Variants in HIVEP3 observed in about 807,000 individuals in gnomAD.
HIVEP3 encodes HIVEP zinc finger 3.
HIVEP3 carries 49 observed loss-of-function variants against 152.8 expected under a neutral mutation model. The observed-to-expected ratio is 0.32, with a 90% confidence interval of 0.26 to 0.41. HIVEP3 has a LOEUF of 0.41. Among genes scored for constraint, HIVEP3 ranks in the 10% least tolerant of loss-of-function variants. The pLI, the probability that HIVEP3 is intolerant of heterozygous loss-of-function variation, is 1.00. For synonymous variants in HIVEP3, 1,269 were observed against 1,289.0 expected (o/e 0.98, Z 0.33); for missense variants, 2,790 against 3,103.3 (o/e 0.90, Z 2.40).
At chr1:41,771,665 T>G (rs1648379556) in intron 1 of HIVEP3, among the ~76,000 whole-genome samples, 1 of 152,024 alleles carries the variant, frequency 6.6e-6, no homozygotes, top group Non-Finnish European at 1.5e-5. Context: ...TTGGCAGGTT[T>G]TTTTGTTTTG....
chr1:41,554,886 G>A (rs757964117), intron 5 of HIVEP3, among the ~76,000 whole-genome samples: 8 of 152,212 alleles, frequency 5.3e-5, no homozygotes, highest in Admixed American at 1.3e-4. Flanking sequence ...AGGGACACCC[G>A]CCTGTATGAG....
At chr1:41,618,809 AT>A (rs1336781458) in intron 3 of HIVEP3, among the ~76,000 whole-genome samples, 1 of 152,156 alleles carries the variant, frequency 6.6e-6, no homozygotes, top group Non-Finnish European at 1.5e-5. Context: ...GACTGAACAG[AT>A]GTGTCAGCCT....
intron 1 of HIVEP3, among the ~76,000 whole-genome samples, chr1:41,765,259 C>T (rs1647938643): frequency 2.0e-5 from 3 of 152,212 alleles, no homozygotes; most frequent in Admixed American, 2.0e-4. Context: ...CTCATCTCCC[C>T]AGCTATTTAT....
chr1:41,657,275 C>T (rs1214188707), intron 2 of HIVEP3, among the ~76,000 whole-genome samples: 3 of 152,222 alleles, frequency 2.0e-5, no homozygotes, highest in African/African-American at 4.8e-5. Context: ...GAGCACAAGC[C>T]TAAACTCACA....
At chr1:41,794,772 C>T (rs2124303448) in intron 1 of HIVEP3, among the ~76,000 whole-genome samples, 1 of 152,032 alleles carries the variant, frequency 6.6e-6, no homozygotes, top group East Asian at 1.9e-4. Flanking sequence ...TTATTTTGTC[C>T]ATTGCTGGGG....
intron 1 of HIVEP3, among the ~76,000 whole-genome samples, chr1:41,726,185 A>G (rs1385457502): frequency 5.3e-5 from 8 of 152,188 alleles, no homozygotes; most frequent in Non-Finnish European, 7.3e-5. Context: ...AAGCATTTTC[A>G]TGAGCCCTCG....
intron 3 of HIVEP3, among the ~76,000 whole-genome samples, chr1:41,590,050 T>C (rs1270615226): frequency 6.6e-6 from 1 of 152,184 alleles, no homozygotes; most frequent in African/African-American, 2.4e-5. Flanking sequence ...CAACACTCTG[T>C]GTGTGTGCAT....
At chr1:41,678,132 G>A (rs1467115217) in intron 2 of HIVEP3, among the ~76,000 whole-genome samples, 1 of 152,154 alleles carries the variant, frequency 6.6e-6, no homozygotes, top group Non-Finnish European at 1.5e-5. Context: ...GATTTCCATC[G>A]AGTGTGGTTT....
intron 1 of HIVEP3, among the ~76,000 whole-genome samples, chr1:41,982,897 G>A (rs763587767): frequency 1.3e-5 from 2 of 152,214 alleles, no homozygotes; most frequent in Non-Finnish European, 2.9e-5. Flanking sequence ...AGTCTAGTGT[G>A]AGGGAGTCCC....
intron 1 of HIVEP3, among the ~76,000 whole-genome samples, chr1:41,935,066 A>G (rs1165931661): frequency 6.6e-6 from 1 of 152,172 alleles, no homozygotes; most frequent in Non-Finnish European, 1.5e-5. Context: ...GTTTCCCCAA[A>G]GGTAAGTCTT....
intron 1 of HIVEP3, among the ~76,000 whole-genome samples, chr1:41,788,311 T>C (rs758172276): frequency 5.3e-5 from 8 of 152,186 alleles, no homozygotes; most frequent in Non-Finnish European, 1.2e-4. Flanking sequence ...TTTGTGGGCA[T>C]CTGTAAGACC....
intron 3 of HIVEP3, among the ~76,000 whole-genome samples, chr1:41,605,970 A>AT (rs2149128505): frequency 6.6e-6 from 1 of 152,346 alleles, no homozygotes; most frequent in South Asian, 2.1e-4. Context: ...ATGTGTTAGG[A>AT]TGGCAGCAAG....
At chr1:41,957,740 G>A (rs1416991404) in intron 1 of HIVEP3, among the ~76,000 whole-genome samples, 2 of 152,154 alleles carry the variant, frequency 1.3e-5, no homozygotes, top group African/African-American at 4.8e-5. Context: ...AGGTTATAAT[G>A]CAATCCAAAA....
intron 1 of HIVEP3, among the ~76,000 whole-genome samples, chr1:41,871,443 T>C (rs1369585826): frequency 2.0e-5 from 3 of 151,970 alleles, no homozygotes; most frequent in African/African-American, 7.2e-5. Flanking sequence ...CTAAAGTATA[T>C]TATCTAGCAT....
intron 4 of HIVEP3, among the ~76,000 whole-genome samples, chr1:41,577,886 T>G (rs77265495): frequency 0.013 from 2,004 of 152,326 alleles, 45 homozygotes; most frequent in African/African-American, 0.046. Context: ...GTGGTTATAC[T>G]AATGTACCAG....
chr1:41,865,633 A>C (rs1203203894), intron 1 of HIVEP3: 1 of 152,238 alleles, frequency 6.6e-6, no homozygotes, highest in Non-Finnish European at 1.5e-5. Context: ...GATGAGAATT[A>C]TTTTGAAGCA....
intron 1 of HIVEP3, among the ~76,000 whole-genome samples, chr1:41,841,766 T>G (rs955213748): frequency 2.0e-5 from 3 of 152,228 alleles, no homozygotes; most frequent in Non-Finnish European, 4.4e-5. Flanking sequence ...AGTGTGCTTA[T>G]GAGTTTGGTA....
chr1:41,920,362 G>A (rs534623474), upstream of HIVEP3, among the ~76,000 whole-genome samples: 444 of 152,142 alleles, frequency 2.9e-3, 3 homozygotes, highest in African/African-American at 0.01. Flanking sequence ...TCCAGCCCCT[G>A]CCCCCTGCTT....
chr1:42,003,958 A>G (rs965619434), intron 1 of HIVEP3, among the ~76,000 whole-genome samples: 1 of 152,160 alleles, frequency 6.6e-6, no homozygotes, highest in African/African-American at 2.4e-5. Flanking sequence ...GAACAAATCA[A>G]TGCAAATGTC....
Sources: gnomAD v4.1 joint callset for allele counts (sites outside exome capture counted in the v4.1 genomes callset) on GRCh38, gnomAD v4.1.1 for gene constraint, MANE v1.5 for transcripts, NCBI Gene and HGNC (gene_info 2026-07-23, HGNC 2026-07-21) for gene names.